The following PLEKHG4B variants were observed in gnomAD, a reference collection of about 807,000 sequenced individuals.
The protein encoded by PLEKHG4B is pleckstrin homology domain-containing family G member 4B.
In PLEKHG4B, 111 loss-of-function variants were observed where a neutral mutation model predicts 121.3. That is an observed-to-expected ratio of 0.92 (90% CI 0.78 to 1.07). The LOEUF (loss-of-function observed/expected upper bound fraction) is 1.07, where lower values mean the gene tolerates loss of function less well. PLEKHG4B is among the 50% of genes least tolerant of loss of function. PLEKHG4B has a pLI of 0.00. For synonymous variants in PLEKHG4B, 738 were observed against 725.0 expected (o/e 1.02, Z -0.29); for missense variants, 1,831 against 1,757.8 (o/e 1.04, Z -0.74).
At position 133,989 on chromosome 5, in the gene PLEKHG4B, G is replaced by A. The variant is rs1299234146; in HGVS notation, c.244-5494G>A. 4.4e-5 allele frequency among the ~76,000 whole-genome samples: 6 copies of A among 136,854 alleles called. No homozygotes were observed. In the East Asian group the frequency reaches 1.1e-3, roughly 24 times the overall value. 89.8% of individuals were successfully genotyped at this position (136,854 alleles called of 152,430 possible). ...ATATATGAGATGGACTATATATGAT[G>A]GAATATATATATATGAGATGGACTA... On this transcript the variant is annotated intron_variant, in intron 2 of 19. Transcript: ENST00000637938.
At position 157,724 on chromosome 5, in the gene PLEKHG4B, C is replaced by G. The variant is rs928471869; in HGVS notation, c.2487+813C>G. ...GCACACTCAGATAAAAAGTTTCTTT[C>G]TTTTCTCACATATAAACTCTTCAAA... On this transcript the variant is annotated intron_variant, in intron 11 of 19. Coordinates refer to ENST00000637938, the MANE Select transcript of PLEKHG4B (RefSeq NM_052909.5). The surrounding 1 kb of genome is among the most constrained non-coding windows in gnomAD (Gnocchi z 4.6). Among the ~76,000 whole-genome samples, 7 of 152,196 alleles carry G rather than the reference C, an allele frequency of 4.6e-5. No homozygotes were observed. Among genetic ancestry groups the G allele is most frequent in the African/African-American group, 1.4e-4 (6 of 41,440 alleles).
chr5:168,370 G>A (rs570882193), intron 13 of PLEKHG4B, among the ~76,000 whole-genome samples: 5 of 152,214 alleles, frequency 3.3e-5, no homozygotes, highest in Admixed American at 1.3e-4. Flanking sequence ...CTTGCTCTCC[G>A]GCCACTGCAG....
chr5:119,822 GAT>G (rs1734416131), intron 2 of PLEKHG4B, among the ~76,000 whole-genome samples: 1 of 152,222 alleles, frequency 6.6e-6, no homozygotes, highest in South Asian at 2.1e-4. Context: ...TGGGCTGACA[GAT>G]TAGAATCTGA....
intron 1 of PLEKHG4B, among the ~76,000 whole-genome samples, chr5:107,780 G>A (rs1308465888): frequency 6.6e-6 from 1 of 152,218 alleles, no homozygotes; most frequent in Non-Finnish European, 1.5e-5. Context: ...AGGAGCTCTG[G>A]CTGGACCTCG....
At chr5:120,087 A>G (rs1278856932) in intron 2 of PLEKHG4B, among the ~76,000 whole-genome samples, 1 of 152,042 alleles carries the variant, frequency 6.6e-6, no homozygotes, top group African/African-American at 2.4e-5. Context: ...CTCTACAAGA[A>G]TTTTTCTAAA....
intron 2 of PLEKHG4B, among the ~76,000 whole-genome samples, chr5:124,031 C>G (rs143063178): frequency 6.6e-6 from 1 of 152,084 alleles, no homozygotes; most frequent in African/African-American, 2.4e-5. Flanking sequence ...TGCTGCCTCC[C>G]GTAAGTTGTA....
chr5:127,340 T>TTTTTTATTATTA lies in PLEKHG4B; in HGVS notation c.244-12141_244-12140insTTTATTATTATT, dbSNP rs146821461. On this transcript the variant is annotated intron_variant, in intron 2 of 19. Coordinates refer to ENST00000637938, the MANE Select transcript of PLEKHG4B (RefSeq NM_052909.5). Reference sequence around the variant, plus strand: ...TCATTGTTTCTGCTTATTGTTGGTTTTTATTATTATTATTATTATTATTAT... The same window carrying TTTTTTATTATTA: ...TCATTGTTTCTGCTTATTGTTGGTTTTTTTTATTATTATTATTATTATTATTATTATTATTAT... Among the ~76,000 whole-genome samples, 268 of 135,558 alleles carry TTTTTTATTATTA rather than the reference T, an allele frequency of 2.0e-3. 3 individuals are homozygous for TTTTTTATTATTA. Among genetic ancestry groups the TTTTTTATTATTA allele is most frequent in the African/African-American group, 7.1e-3 (260 of 36,418 alleles). 88.9% of individuals were successfully genotyped at this position (135,558 alleles called of 152,430 possible). A position where few individuals can be genotyped will look rare whatever the true frequency, so the allele number is the denominator to read the frequency against.
rs534174768 is a variant in PLEKHG4B, at chr5:99,170, G to GTATA, written c.45+6934_45+6937dup. On this transcript the variant is annotated intron_variant, in intron 1 of 19. Transcript: ENST00000637938. ...GAGTCTGTCTCAAAAAAAAAAAAGT[G>GTATA]TATATATATATATATATATATATAT... Among the ~76,000 whole-genome samples, 538 of 100,352 alleles carry GTATA rather than the reference G, an allele frequency of 5.4e-3. 5 individuals carry two copies. Among genetic ancestry groups the GTATA allele is most frequent in the African/African-American group, 7.8e-3 (196 of 25,188 alleles). 65.8% of individuals were successfully genotyped at this position (100,352 alleles called of 152,430 possible).
In PLEKHG4B at chr5:187,857, C is replaced by T. The variant is rs903451920; in HGVS notation, c.*5534C>T. 2 of 152,322 alleles carry T rather than the reference C, an allele frequency of 1.3e-5. No homozygotes were observed. The highest frequency in any genetic ancestry group is 4.8e-5 in the African/African-American group (2 of 41,460). 9.4% of individuals were successfully genotyped at this position (152,322 alleles called of 1,614,324 possible). On this transcript the variant is annotated 3_prime_UTR_variant, in exon 20 of 20. Coordinates refer to ENST00000637938, the MANE Select transcript of PLEKHG4B (RefSeq NM_052909.5). The stretch of plus-strand genomic sequence containing the variant: ...TGCACCCAGAGGGCTGGCAGGGTCA[C>T]ATGGAGGCAGGGGACCCTTGGCCCC...
At position 156,102 on chromosome 5, in the gene PLEKHG4B, C is replaced by T. The variant is rs761186429; in HGVS notation, c.2240C>T (p.Thr747Met). ...GCCGAGTTAATTGACCAGCATGAGA[C>T]GATGATGAAGCTTGTCCTGGAAGAC... ...EVAELIDQHE[T>M]MMKLVLEDPL... The change falls in exon 10 of 20, where the codon ACG (threonine) becomes ATG (methionine). Residue 747 changes from threonine to methionine, a missense_variant. Thr to Met is a moderately conservative substitution (Grantham distance 81, BLOSUM62 -1). Coordinates refer to ENST00000637938, the MANE Select transcript of PLEKHG4B (RefSeq NM_052909.5). The surrounding 1 kb of genome is among the most constrained non-coding windows in gnomAD (Gnocchi z 4.4). The T allele has an allele frequency of 5.0e-6, 8 of 1,598,508 alleles. No homozygotes were observed. In the South Asian group the frequency reaches 7.9e-5, roughly 16 times the overall value.
chr5:139,457 C>T lies in PLEKHG4B; in HGVS notation c.244-26C>T, dbSNP rs1357987775. ...GCTCAGGACATGGCCGTGCCCACCA[C>T]TAACCTCCCTCCTCTCTTGTCTCAG... On this transcript the variant is annotated intron_variant, in intron 2 of 19. Coordinates refer to ENST00000637938, the MANE Select transcript of PLEKHG4B (RefSeq NM_052909.5). This position sits in a 1 kb window ranked among gnomAD's most constrained non-coding sequence, Gnocchi z 5.0. The T allele has an allele frequency of 2.5e-6, 1 of 398,836 alleles. No homozygotes were observed. Among genetic ancestry groups the T allele is most frequent in the Non-Finnish European group, 4.4e-6 (1 of 226,180 alleles). The allele number at this position is 398,836 out of a possible 1,614,324, so 24.7% of individuals were successfully genotyped here. A position where few individuals can be genotyped will look rare whatever the true frequency, so the allele number is the denominator to read the frequency against.
At chr5:155,838 T>C (rs535556661) in intron 9 of PLEKHG4B, among the ~76,000 whole-genome samples, 88 of 152,236 alleles carry the variant, frequency 5.8e-4, no homozygotes, top group Non-Finnish European at 9.1e-4. Context: ...AATGGCAGGT[T>C]CACCTCCTAC....
In PLEKHG4B at chr5:133,969, T is replaced by C. The variant is rs570696231; in HGVS notation, c.244-5514T>C. Among the ~76,000 whole-genome samples the C allele has an allele frequency of 2.6e-3, 389 of 147,020 alleles. 4 individuals are homozygous for C. The highest frequency in any genetic ancestry group is 9.5e-3 in the African/African-American group (374 of 39,436). ...ATATATATGGTGGAATATATATATA[T>C]GAGATGGACTATATATGATGGAATA... is the stretch of plus-strand genomic sequence containing the variant. On this transcript the variant is annotated intron_variant, in intron 2 of 19. Transcript: ENST00000637938.
chr5:144,763 GA>G, intron 5 of PLEKHG4B, 63 bp from the exon 6 acceptor site: 2 of 1,432,818 alleles, frequency 1.4e-6, no homozygotes, highest in Non-Finnish European at 2.0e-6. Context: ...CAGAGGTGGA[GA>G]AACTCGTTCT....
intron 2 of PLEKHG4B, among the ~76,000 whole-genome samples, chr5:131,575 C>T (rs1233941735): frequency 3.9e-5 from 6 of 152,116 alleles, no homozygotes; most frequent in South Asian, 2.1e-4. Context: ...AGTAAACATA[C>T]GTGTGCATGT....
intron 2 of PLEKHG4B, among the ~76,000 whole-genome samples, chr5:116,736 G>T (rs1248055685): frequency 3.3e-5 from 5 of 152,200 alleles, no homozygotes; most frequent in Non-Finnish European, 7.3e-5. Context: ...TTAGGGCGTT[G>T]TTTTGAAACT....
At position 113,044 on chromosome 5, in the gene PLEKHG4B, C is replaced by T. The variant is rs1200689133; in HGVS notation, c.46-207C>T. Among the ~76,000 whole-genome samples, 1 of 152,180 alleles carries T rather than the reference C, an allele frequency of 6.6e-6. No homozygotes were observed. Among genetic ancestry groups the T allele is most frequent in the Non-Finnish European group, 1.5e-5 (1 of 68,030 alleles). Reference sequence around the variant, plus strand: ...TCTGCCTAATGCACCTGCCCCTCTGCTGTGTGACAGCACAAGGAGAACCAC... The same window carrying T: ...TCTGCCTAATGCACCTGCCCCTCTGTTGTGTGACAGCACAAGGAGAACCAC... On this transcript the variant is annotated intron_variant, in intron 1 of 19. Transcript: ENST00000637938. This position sits in a 1 kb window ranked among gnomAD's most constrained non-coding sequence, Gnocchi z 5.2.
chr5:177,140 TTG>T (rs1235538548), intron 18 of PLEKHG4B, among the ~76,000 whole-genome samples: 1 of 152,236 alleles, frequency 6.6e-6, no homozygotes, highest in Non-Finnish European at 1.5e-5. Flanking sequence ...TGTTATTTTC[TTG>T]TGTCTAACTT....
chr5:173,885 G>C, intron 17 of PLEKHG4B, 33 bp from the exon 18 acceptor site: 2 of 1,603,984 alleles, frequency 1.2e-6, no homozygotes, highest in African/African-American at 2.7e-5. Flanking sequence ...CCATGTTCCT[G>C]ATGGTGCTGC....
Sources: gnomAD v4.1 joint callset for allele counts (sites outside exome capture counted in the v4.1 genomes callset) on GRCh38, gnomAD v4.1.1 for gene constraint, Gnocchi (gnomAD v3.1) non-coding constraint, MANE v1.5 for transcripts, NCBI Gene and HGNC (gene_info 2026-07-23, HGNC 2026-07-21) for gene names.